ZFHX3: variants seen among roughly 807,000 people sequenced by gnomAD.
The protein encoded by ZFHX3 is zinc finger homeobox protein 3.
A neutral mutation model predicts 279.1 loss-of-function variants in ZFHX3; 42 were observed. The ratio of observed to expected loss-of-function variants is 0.15; its 90% CI spans 0.12 to 0.19. The LOEUF (loss-of-function observed/expected upper bound fraction) is 0.19. ZFHX3 is among the 10% of genes least tolerant of loss of function. ZFHX3 has a pLI of 1.00. For missense variants in ZFHX3, 4,981 were observed against 4,754.0 expected (o/e 1.05, Z -1.40); for synonymous variants, 2,293 against 1,957.8 (o/e 1.17, Z -4.52).
chr16:73,535,426 T>G (rs1013117217), intron 2 of ZFHX3, among the ~76,000 whole-genome samples: 1 of 152,154 alleles, frequency 6.6e-6, no homozygotes, highest in Non-Finnish European at 1.5e-5. Context: ...GAGATCTGAG[T>G]GGCTATCTGA....
intron 1 of ZFHX3, among the ~76,000 whole-genome samples, chr16:73,697,334 G>A (rs1464099706): frequency 2.0e-5 from 3 of 152,018 alleles, no homozygotes; most frequent in Admixed American, 6.6e-5. Context: ...AAAATAAAGA[G>A]TTTTGTCATA....
At chr16:73,586,875 T>C (rs920205842) in intron 2 of ZFHX3, among the ~76,000 whole-genome samples, 1 of 152,238 alleles carries the variant, frequency 6.6e-6, no homozygotes, top group African/African-American at 2.4e-5. Context: ...TATTCTATTA[T>C]AGTCTGTTTA....
At chr16:73,309,906 CTTTTT>C (rs57812149) in intron 4 of ZFHX3, among the ~76,000 whole-genome samples, 2 of 114,426 alleles carry the variant, frequency 1.7e-5, no homozygotes, top group African/African-American at 3.2e-5. Context: ...TTTTTCTTGC[CTTTTT>C]TTTTTTTTTT....
chr16:73,748,285 A>G (rs1368300816), intron 1 of ZFHX3, among the ~76,000 whole-genome samples: 1 of 152,220 alleles, frequency 6.6e-6, no homozygotes, highest in Non-Finnish European at 1.5e-5. Context: ...ATGTCATACA[A>G]AAGAAAAACA....
At chr16:73,000,448 T>C (rs962980220) in intron 1 of ZFHX3, among the ~76,000 whole-genome samples, 3 of 152,144 alleles carry the variant, frequency 2.0e-5, no homozygotes, top group African/African-American at 7.2e-5. Flanking sequence ...TTTCCTAGGG[T>C]TGTGGCAATG....
rs2015498614 is a variant in ZFHX3 at position 73,318,239 on chromosome 16, C to T, written c.-1194+1G>A. On this transcript the variant is annotated splice_donor_variant, in intron 4 of 17. Coordinates refer to the ZFHX3 transcript ENST00000641206. LOFTEE classifies it low-confidence loss of function (5UTR_SPLICE). ...ACCATAATATAATATCAGAGCCCTACCTGCTGAAATGGGCTCCTGGAAAAA... is the reference window on the plus strand; with the variant it reads ...ACCATAATATAATATCAGAGCCCTATCTGCTGAAATGGGCTCCTGGAAAAA... 6.6e-6 allele frequency: 1 copy of T among 152,090 alleles called. No homozygotes were observed. The highest frequency in any genetic ancestry group is 2.1e-4 in the South Asian group (1 of 4,830). 9.4% of individuals were successfully genotyped at this position (152,090 alleles called of 1,614,324 possible).
At chr16:73,247,388 C>CGT (rs1260761123) in intron 5 of ZFHX3, among the ~76,000 whole-genome samples, 1 of 145,458 alleles carries the variant, frequency 6.9e-6, no homozygotes, top group Non-Finnish European at 1.5e-5. Context: ...GGAGTATACG[C>CGT]GTGTGTGTAT....
intron 1 of ZFHX3, among the ~76,000 whole-genome samples, chr16:73,791,302 C>T (rs368490140): frequency 1.2e-4 from 19 of 152,004 alleles, no homozygotes; most frequent in East Asian, 7.8e-4. Context: ...CCAAGCTTGA[C>T]GCCAAATGTA....
intron 3 of ZFHX3, among the ~76,000 whole-genome samples, chr16:72,894,303 C>G (rs535618717): frequency 6.6e-6 from 1 of 152,146 alleles, no homozygotes; most frequent in Admixed American, 6.5e-5. Context: ...CCAAGTGTCT[C>G]GTTATTTCTT....
chr16:73,153,635 A>G (rs1967002998), intron 5 of ZFHX3, among the ~76,000 whole-genome samples: 1 of 152,022 alleles, frequency 6.6e-6, no homozygotes, highest in African/African-American at 2.4e-5. Context: ...AAGGGAAGAA[A>G]TAAGCACTCT....
intron 7 of ZFHX3, among the ~76,000 whole-genome samples, chr16:72,801,823 G>A (rs1243596124): frequency 6.6e-6 from 1 of 152,022 alleles, no homozygotes; most frequent in African/African-American, 2.4e-5. Context: ...TGGTTGGGGA[G>A]TCCAGCGGGA....
rs146269665 is a variant in ZFHX3, at chr16:73,114,626, C to T, written c.-897+16342G>A. 1.4e-4 allele frequency among the ~76,000 whole-genome samples: 21 copies of T among 152,142 alleles called. No homozygotes were observed. The East Asian group carries it at 2.0e-3, about 14-fold the overall frequency. ...CCCAGGAGGTCGAGGCTGTAGTGAG[C>T]CATGACTGCGTCACTGCACTCCAAC... On this transcript the variant is annotated intron_variant, in intron 7 of 17. Coordinates refer to the ZFHX3 transcript ENST00000641206.
At chr16:73,474,150 T>C (rs1344466614) in intron 2 of ZFHX3, among the ~76,000 whole-genome samples, 3 of 152,082 alleles carry the variant, frequency 2.0e-5, no homozygotes, top group African/African-American at 7.2e-5. Context: ...TATTTATTTA[T>C]TTATTGAGAC....
intron 3 of ZFHX3, among the ~76,000 whole-genome samples, chr16:73,430,201 A>T (rs1165466217): frequency 6.6e-6 from 1 of 151,756 alleles, no homozygotes; most frequent in East Asian, 1.9e-4. Context: ...CCTCCACTCA[A>T]CTCATTACAA....
chr16:73,483,344 A>G, intron 2 of ZFHX3: 1 of 408,260 alleles, frequency 2.4e-6, no homozygotes, highest in Non-Finnish European at 4.7e-6. Context: ...AGACAGAGAG[A>G]GAGAGAAAGA....
At chr16:73,822,809 G>C (rs892326665) in intron 1 of ZFHX3, among the ~76,000 whole-genome samples, 2 of 152,206 alleles carry the variant, frequency 1.3e-5, no homozygotes, top group Non-Finnish European at 2.9e-5. Context: ...TAGATACTGA[G>C]AGCAACAAGT....
At chr16:73,696,873 TAA>T (rs1036647533) in intron 1 of ZFHX3, among the ~76,000 whole-genome samples, 24 of 152,280 alleles carry the variant, frequency 1.6e-4, no homozygotes, top group African/African-American at 5.8e-4. Context: ...GAGGTAGAAA[TAA>T]AGTGTTGATG....
chr16:73,187,144 T>TCTCACA (rs1555503407), intron 5 of ZFHX3, among the ~76,000 whole-genome samples: 2 of 146,986 alleles, frequency 1.4e-5, no homozygotes, highest in African/African-American at 2.6e-5. Context: ...GTTGTATGTC[T>TCTCACA]CACACACACA....
At chr16:73,814,400 T>C (rs1008104346) in intron 1 of ZFHX3, among the ~76,000 whole-genome samples, 4 of 145,470 alleles carry the variant, frequency 2.7e-5, no homozygotes, top group Non-Finnish European at 5.9e-5. Context: ...ATGGTGGAGA[T>C]CATTCTAAAT....
Sources: gnomAD v4.1 joint callset for allele counts (sites outside exome capture counted in the v4.1 genomes callset) on GRCh38, gnomAD v4.1.1 for gene constraint, MANE v1.5 for transcripts, NCBI Gene and HGNC (gene_info 2026-07-23, HGNC 2026-07-21) for gene names.